Variants in JAG2 observed in about 807,000 individuals in gnomAD.
JAG2 encodes protein jagged-2.
In JAG2, 46 loss-of-function variants were observed where a neutral mutation model predicts 141.7. That is an observed-to-expected ratio of 0.32 (90% CI 0.26 to 0.42). The LOEUF (loss-of-function observed/expected upper bound fraction) is 0.42. JAG2 is among the 10% of genes least tolerant of loss of function. The probability of loss-of-function intolerance (pLI) is 1.00; values close to 1 mark genes in which losing one functional copy is unlikely to be tolerated. For synonymous variants in JAG2, 862 were observed against 763.5 expected (o/e 1.13, Z -2.13); for missense variants, 1,500 against 1,817.5 (o/e 0.83, Z 3.18).
chr14:105,155,875 C>T lies in JAG2; in HGVS notation c.590G>A (p.Arg197His), dbSNP rs753388124. The T allele has an allele frequency of 3.1e-6, 5 of 1,612,244 alleles. No homozygotes were observed. Among genetic ancestry groups the T allele is most frequent in the South Asian group, 1.1e-5 (1 of 90,982 alleles). ...VAHLELQIRV[R>H]CDENYYSATC... ...GGCGCTGTAGTAGTTCTCGTCGCAG[C>T]GCACGCGGATCTGCAGCTCCAGGTG... Residue 197 changes from arginine to histidine, a missense_variant, in exon 4 of 26, where the codon CGC (arginine) becomes CAC (histidine). Coordinates refer to ENST00000331782, the MANE Select transcript of JAG2 (RefSeq NM_002226.5).
At chr14:105,153,613 G>A (rs187837738) in intron 5 of JAG2, among the ~76,000 whole-genome samples, 8 of 152,288 alleles carry the variant, frequency 5.3e-5, no homozygotes, top group Non-Finnish European at 8.8e-5. Flanking sequence ...CGCAGCATCC[G>A]GTGGGGGGGC....
chr14:105,152,592 T>C (rs1466668874), intron 5 of JAG2, among the ~76,000 whole-genome samples: 3 of 152,078 alleles, frequency 2.0e-5, no homozygotes, highest in Admixed American at 6.5e-5. Context: ...AGGAAGGCCC[T>C]GCCGGGACCC....
In JAG2 at chr14:105,163,706, C is replaced by T. The variant is rs2816680; in HGVS notation, c.417+4051G>A. ...GATCTGGGGTCTGGGGACAGGGACCCTGCTTAGGCCTCAGGTCTGCAGACA... is the reference window on the plus strand; with the variant it reads ...GATCTGGGGTCTGGGGACAGGGACCTTGCTTAGGCCTCAGGTCTGCAGACA... On this transcript the variant is annotated intron_variant, in intron 2 of 25. Coordinates refer to ENST00000331782, the MANE Select transcript of JAG2 (RefSeq NM_002226.5). 2.0e-3 allele frequency among the ~76,000 whole-genome samples: 297 copies of T among 151,608 alleles called. 4 individuals carry two copies. The highest frequency in any genetic ancestry group is 3.5e-3 in the Non-Finnish European group (239 of 67,800).
chr14:105,147,332 G>A lies in JAG2; in HGVS notation c.2473C>T (p.Arg825Cys), dbSNP rs1459726266. The A allele has an allele frequency of 2.6e-6, 4 of 1,556,374 alleles. No homozygotes were observed. The highest frequency in any genetic ancestry group is 3.5e-6 in the Non-Finnish European group (4 of 1,150,350). Residue 825 changes from arginine to cysteine, a missense_variant, in exon 20 of 26, where the codon CGC becomes TGC. Physicochemically the swap from Arg to Cys is radical, Grantham distance 180. This residue lies in a region of JAG2 where 875 missense variants were observed against 1,202.2 expected (regional missense o/e 0.73). Transcript: ENST00000331782. ...CAPGFAGPDC[R>C]INIDECQSSP... ...GGGCTGTCTGGCCACTCACTGATGCGGCAGTCAGGCCCCGCGAAGCCAGGT... is the reference window on the plus strand; with the variant it reads ...GGGCTGTCTGGCCACTCACTGATGCAGCAGTCAGGCCCCGCGAAGCCAGGT...
intron 10 of JAG2, 28 bp from the exon 11 acceptor site, chr14:105,150,939 C>T (rs1159068031): frequency 2.5e-6 from 4 of 1,592,104 alleles, no homozygotes; most frequent in Non-Finnish European, 3.4e-6. Flanking sequence ...GGGTCAGAGG[C>T]GGGGTCCCAT....
At chr14:105,157,485 GAAC>G (rs1419726621) in intron 3 of JAG2, among the ~76,000 whole-genome samples, 1 of 152,208 alleles carries the variant, frequency 6.6e-6, no homozygotes, top group Non-Finnish European at 1.5e-5. Context: ...CCCAAGAGGA[GAAC>G]AACATAGGCA....
chr14:105,161,100 G>A (rs587712868), intron 2 of JAG2, among the ~76,000 whole-genome samples: 3 of 150,582 alleles, frequency 2.0e-5, no homozygotes, highest in East Asian at 2.0e-4. Context: ...AGGTCTGTTC[G>A]GGTGTTGGGG....
At chr14:105,143,990 G>C (rs1888146381) in intron 24 of JAG2, among the ~76,000 whole-genome samples, 1 of 148,136 alleles carries the variant, frequency 6.8e-6, no homozygotes, top group South Asian at 2.2e-4. Flanking sequence ...TCACCAGCAG[G>C]CAGTGAGGGG....
chr14:105,151,455 C>T, intron 8 of JAG2, 59 bp from the exon 9 acceptor site: 1 of 1,513,778 alleles, frequency 6.6e-7, no homozygotes, highest in East Asian at 2.3e-5. Context: ...ATAAGGTCCC[C>T]ATGGGCAGGT....
At position 105,146,611 on chromosome 14, in the gene JAG2, C is replaced by T. The variant is rs1307810069; in HGVS notation, c.2593G>A (p.Val865Met). Reference protein sequence around the residue: ...PGRAGPRCQEVIGFGRSCWSR... With the variant: ...PGRAGPRCQEMIGFGRSCWSR... ...CCCAGGGCAATCACACGGGGCCTAC[C>T]TTCCTGGCACCGGGGGCCGGCTCGG... Residue 865 changes from valine (V) to methionine (M), a missense_variant and splice_region_variant, in exon 21 of 26, where the codon GTG (valine) becomes ATG (methionine). Transcript: ENST00000331782. The T allele has an allele frequency of 6.2e-7, 1 of 1,612,192 alleles. No individual in the cohort carries two copies. The highest frequency in any genetic ancestry group is 8.5e-7 in the Non-Finnish European group (1 of 1,179,592).
intron 2 of JAG2, among the ~76,000 whole-genome samples, chr14:105,165,057 A>G (rs1481629998): frequency 1.3e-5 from 2 of 152,204 alleles, no homozygotes; most frequent in Non-Finnish European, 2.9e-5. Flanking sequence ...CACACATGCC[A>G]AGACAGAACA....
intron 1 of JAG2, 58 bp downstream of exon 1, chr14:105,168,297 T>G: frequency 1.5e-6 from 1 of 655,732 alleles, no homozygotes; most frequent in Non-Finnish European, 1.9e-6. Flanking sequence ...GCCCGGCCCC[T>G]AGGGGCGGCC....
At chr14:105,166,062 C>T (rs1455425073) in intron 2 of JAG2, among the ~76,000 whole-genome samples, 1 of 152,216 alleles carries the variant, frequency 6.6e-6, no homozygotes, top group Non-Finnish European at 1.5e-5. Flanking sequence ...TCTGCCCTGG[C>T]CCCCAACCCA....
intron 5 of JAG2, among the ~76,000 whole-genome samples, chr14:105,152,564 G>T (rs1019327077): frequency 1.3e-5 from 2 of 152,152 alleles, no homozygotes; most frequent in Non-Finnish European, 2.9e-5. Flanking sequence ...GCTGGGCCCC[G>T]AGAGCAGGCA....
At position 105,155,549 on chromosome 14, in the gene JAG2, G is replaced by A. The variant is rs868017147; in HGVS notation, c.788+13C>T. 7 of 1,612,794 alleles carry A rather than the reference G, an allele frequency of 4.3e-6. No individual in the cohort carries two copies. In the Middle Eastern group the frequency reaches 1.2e-3, roughly 266 times the overall value. ...AGGTTGGGAGGGCAAAGACGGGCCGGCGGCACACTCACCTGCACTCCCCAG... is the reference window on the plus strand; with the variant it reads ...AGGTTGGGAGGGCAAAGACGGGCCGACGGCACACTCACCTGCACTCCCCAG... On this transcript the variant is annotated intron_variant, in intron 5 of 25. Transcript: ENST00000331782.
intron 15 of JAG2, 64 bp from the exon 16 acceptor site, chr14:105,148,503 G>A: frequency 8.0e-7 from 1 of 1,254,114 alleles, no homozygotes; most frequent in Non-Finnish European, 1.1e-6. Context: ...GCTTCCCGGG[G>A]GAGGAAGCAC....
chr14:105,147,921 CCTGGCCCTGGG>C (rs775212079), intron 17 of JAG2, 33 bp from the exon 18 acceptor site: 57 of 1,497,512 alleles, frequency 3.8e-5, no homozygotes, highest in Middle Eastern at 2.3e-4. Flanking sequence ...GAGCGTCTCA[CCTGGCCCTGGG>C]CTGGCCCTGG....
chr14:105,144,913 C>T lies in JAG2; in HGVS notation c.3084+17G>A, dbSNP rs1265755587. The T allele has an allele frequency of 5.0e-6, 8 of 1,596,768 alleles. No homozygotes were observed. Among genetic ancestry groups the T allele is most frequent in the Middle Eastern group, 1.7e-4 (1 of 6,042 alleles). On this transcript the variant is annotated intron_variant, in intron 24 of 25. Coordinates refer to ENST00000331782, the MANE Select transcript of JAG2 (RefSeq NM_002226.5). ...ACCCAGGGCCCACCCAGGTGCTGCTCCCCACTGGGCACTCACCACGGCCAC... is the reference window on the plus strand; with the variant it reads ...ACCCAGGGCCCACCCAGGTGCTGCTTCCCACTGGGCACTCACCACGGCCAC...
chr14:105,161,533 A>G (rs1032718141), intron 2 of JAG2, among the ~76,000 whole-genome samples: 5 of 152,038 alleles, frequency 3.3e-5, no homozygotes, highest in Admixed American at 6.5e-5. Context: ...CTGCTCCCGC[A>G]GGGACGTGTG....
Sources: allele counts gnomAD v4.1 joint callset (sites outside exome capture counted in the v4.1 genomes callset), GRCh38; gene constraint gnomAD v4.1.1; regional missense constraint gnomAD v4.1.1; transcripts MANE v1.5; gene names NCBI Gene and HGNC (gene_info 2026-07-23, HGNC 2026-07-21).